XYLB: variants seen among roughly 807,000 people sequenced by gnomAD.
XYLB encodes the protein xylulose kinase.
Under a neutral mutation model 78.7 loss-of-function variants are expected in XYLB, and 62 were observed. That is an observed-to-expected ratio of 0.79 (90% CI 0.64 to 0.97). XYLB has a LOEUF of 0.97. XYLB is among the 50% of genes least tolerant of loss of function. The pLI is 0.00. For missense variants in XYLB, 687 were observed against 676.8 expected (o/e 1.02, Z -0.17); for synonymous variants, 245 against 247.4 (o/e 0.99, Z 0.09).
At chr3:38,417,995 C>A (rs1708854009), downstream of XYLB, among the ~76,000 whole-genome samples, 1 of 151,118 alleles carries the variant, frequency 6.6e-6, no homozygotes, top group Admixed American at 6.6e-5. Context: ...AGTTCAAGAT[C>A]AGCCTGGCCA....
intron 18 of XYLB, among the ~76,000 whole-genome samples, chr3:38,405,385 A>G (rs1417243340): frequency 2.0e-5 from 3 of 151,114 alleles, no homozygotes; most frequent in Non-Finnish European, 3.0e-5. Context: ...AAAAAAAAAA[A>G]AAAAAAAAAG....
Position 38,376,172 on chromosome 3 carries a change from TC to T in XYLB, c.1062del (p.Trp355GlyfsTer25). 1 of 1,614,162 alleles carries T rather than the reference TC, an allele frequency of 6.2e-7. No homozygotes were observed. The highest frequency in any genetic ancestry group is 8.5e-7 in the Non-Finnish European group (1 of 1,180,030). On this transcript the variant is annotated frameshift_variant, in exon 13 of 19. Coordinates refer to ENST00000207870, the MANE Select transcript of XYLB (RefSeq NM_005108.4). LOFTEE classifies it high-confidence loss of function. The stretch of plus-strand genomic sequence containing the variant: ...GATCCGCAACGAGTCTGTATCCCGT[TC>T]CTGGAGCGATTTCTCTAAGGCACTG... ...EKIRNESVSRSWSDFSKALQS... is the reference protein window; with the variant it reads ...EKIRNESVSRXWSDFSKALQS...
chr3:38,370,266 A>ACACACACACT (rs773645459), intron 9 of XYLB, 92 bp downstream of exon 9: 4 of 873,692 alleles, frequency 4.6e-6, no homozygotes, highest in South Asian at 2.9e-5. Context: ...ACACACACAC[A>ACACACACACT]CTCTGCACAC....
Position 38,375,143 on chromosome 3 carries a change from G to GGTCA in XYLB, c.890_893dup (p.Leu299GlnfsTer6), listed in dbSNP as rs1309077581. The GGTCA allele has an allele frequency of 6.2e-7, 1 of 1,613,274 alleles. No individual in the cohort carries two copies. Among genetic ancestry groups the GGTCA allele is most frequent in the South Asian group, 1.1e-5 (1 of 90,910 alleles). On this transcript the variant is annotated frameshift_variant and splice_region_variant. Transcript: ENST00000207870. LOFTEE classifies it high-confidence loss of function. Reference sequence around the variant, plus strand: ...GCCCACCTCTGCCTATCTCTCCTCAGGTCAGCCTGGGCACCAGTGACACCC... The same window carrying GGTCA: ...GCCCACCTCTGCCTATCTCTCCTCAGGTCAGTCAGCCTGGGCACCAGTGACACCC...
At chr3:38,426,222 A>G (rs7646429), downstream of XYLB, among the ~76,000 whole-genome samples, 73,475 of 152,084 alleles carry the variant, frequency 0.48, 19,811 homozygotes, top group Non-Finnish European at 0.61. Flanking sequence ...AAACTAATAT[A>G]GACCAGAAAC....
intron 15 of XYLB, among the ~76,000 whole-genome samples, chr3:38,393,742 T>A (rs1169584833): frequency 6.6e-6 from 1 of 152,186 alleles, no homozygotes; most frequent in African/African-American, 2.4e-5. Context: ...TCCCTGTGTC[T>A]TCATTTTCTC....
At chr3:38,381,333 C>T (rs1262775160) in intron 15 of XYLB, among the ~76,000 whole-genome samples, 2 of 152,174 alleles carry the variant, frequency 1.3e-5, no homozygotes, top group Non-Finnish European at 2.9e-5. Flanking sequence ...ATCTCTTGAT[C>T]CTGTCAGCTG....
At chr3:38,409,424 A>T (rs1262349509) in intron 18 of XYLB, among the ~76,000 whole-genome samples, 1 of 152,222 alleles carries the variant, frequency 6.6e-6, no homozygotes, top group East Asian at 1.9e-4. Flanking sequence ...ACCCACAGCC[A>T]ATATCATACT....
At chr3:38,354,829 ATAT>A in intron 2 of XYLB, among the ~76,000 whole-genome samples, 1 of 152,324 alleles carries the variant, frequency 6.6e-6, no homozygotes, top group East Asian at 1.9e-4. Context: ...TATTGAGATC[ATAT>A]TATCTTTATA....
chr3:38,363,548 C>T (rs1706089193), intron 4 of XYLB, among the ~76,000 whole-genome samples: 1 of 152,144 alleles, frequency 6.6e-6, no homozygotes, highest in East Asian at 1.9e-4. Flanking sequence ...GTGCTTGGTA[C>T]ACACTCAGGG....
chr3:38,381,037 G>A (rs759326388), intron 15 of XYLB, among the ~76,000 whole-genome samples: 8 of 152,318 alleles, frequency 5.3e-5, no homozygotes, highest in African/African-American at 7.2e-5. Context: ...TTGGGAGGCC[G>A]AGGCAGGTGG....
chr3:38,408,472 G>C (rs1359781395), intron 18 of XYLB, among the ~76,000 whole-genome samples: 233 of 150,576 alleles, frequency 1.5e-3, no homozygotes, highest in African/African-American at 5.1e-3. Flanking sequence ...ACAATTAAAA[G>C]AACTAGAAAA....
the XYLB span, chr3:38,453,041 AGTT>A: frequency 6.6e-6 from 1 of 152,148 alleles, no homozygotes; most frequent in Non-Finnish European, 1.5e-5. Flanking sequence ...CCGAAGCTCT[AGTT>A]GTGTGATAAG....
At position 38,375,212 on chromosome 3, in the gene XYLB, C is replaced by T. The variant is rs751207351; in HGVS notation, c.957C>T (p.His319=). The T allele has an allele frequency of 1.9e-6, 3 of 1,614,216 alleles. No individual in the cohort carries two copies. The highest frequency in any genetic ancestry group is 1.7e-6 in the Non-Finnish European group (2 of 1,180,028). ...LQEPMPALEG[H]IFCNPVDSQH... ...AGCCCATGCCTGCCCTGGAAGGCCA[C>T]ATCTTCTGCAACCCGGTTGACTCCC... The change falls in exon 12 of 19, where the codon CAC becomes CAT. Residue 319 remains histidine, a synonymous_variant. Coordinates refer to ENST00000207870, the MANE Select transcript of XYLB (RefSeq NM_005108.4).
chr3:38,359,516 A>G (rs1705855448), intron 2 of XYLB, among the ~76,000 whole-genome samples: 1 of 152,202 alleles, frequency 6.6e-6, no homozygotes, highest in South Asian at 2.1e-4. Flanking sequence ...GTATAGATGA[A>G]TTTGCGTCTT....
chr3:38,386,947 AT>A (rs1178751595), intron 15 of XYLB, among the ~76,000 whole-genome samples: 1 of 152,174 alleles, frequency 6.6e-6, no homozygotes, highest in Non-Finnish European at 1.5e-5. Flanking sequence ...TGAAAATGTC[AT>A]TTCATTGTTT....
At chr3:38,420,726 CT>C (rs34716648), downstream of XYLB, among the ~76,000 whole-genome samples, 1 of 150,704 alleles carries the variant, frequency 6.6e-6, no homozygotes, top group African/African-American at 2.4e-5. Flanking sequence ...GAATATCCCC[CT>C]TTTTTTTTGG....
chr3:38,351,468 A>G (rs765334121), intron 2 of XYLB, among the ~76,000 whole-genome samples: 2 of 152,150 alleles, frequency 1.3e-5, no homozygotes, highest in African/African-American at 4.8e-5. Context: ...CTATAGATTT[A>G]GTTCATTCCT....
intron 1 of XYLB, among the ~76,000 whole-genome samples, 160 bp downstream of exon 1, chr3:38,347,085 C>T (rs1432597889): frequency 6.6e-6 from 1 of 152,170 alleles, no homozygotes; most frequent in East Asian, 1.9e-4. Flanking sequence ...TGCGCGCGGC[C>T]GTGGGGCGCC....
Sources: allele counts gnomAD v4.1 joint callset (sites outside exome capture counted in the v4.1 genomes callset), GRCh38; gene constraint gnomAD v4.1.1; transcripts MANE v1.5; gene names NCBI Gene and HGNC (gene_info 2026-07-23, HGNC 2026-07-21).